The following KIF26B variants were observed in gnomAD, a reference collection of about 807,000 sequenced individuals.
KIF26B encodes the protein kinesin-like protein KIF26B.
Under a neutral mutation model 151.2 loss-of-function variants are expected in KIF26B, and 63 were observed. The ratio of observed to expected loss-of-function variants is 0.42; its 90% CI spans 0.34 to 0.51. The LOEUF (loss-of-function observed/expected upper bound fraction) is 0.51. KIF26B is among the 20% of genes least tolerant of loss of function. KIF26B has a pLI of 0.07. For synonymous variants in KIF26B, 1,357 were observed against 1,262.1 expected, an observed-to-expected ratio of 1.08 and a Z score of -1.59; for missense variants, 2,813 against 2,913.6, an observed-to-expected ratio of 0.97 and a Z score of 0.79.
chr1:245,188,505 G>A (rs1479237533), intron 2 of KIF26B, among the ~76,000 whole-genome samples: 1 of 152,058 alleles, frequency 6.6e-6, no homozygotes, highest in Non-Finnish European at 1.5e-5. Flanking sequence ...CTTTCCCTCT[G>A]TGCTTTGCAA....
chr1:245,377,270 GA>G (rs1673300222), intron 3 of KIF26B, among the ~76,000 whole-genome samples: 1 of 152,216 alleles, frequency 6.6e-6, no homozygotes, highest in African/African-American at 2.4e-5. Flanking sequence ...CTGCAAGTCT[GA>G]AATCAAGGTG....
chr1:245,575,220 A>G (rs952300588), intron 5 of KIF26B, among the ~76,000 whole-genome samples: 1 of 151,168 alleles, frequency 6.6e-6, no homozygotes, highest in Non-Finnish European at 1.5e-5. Flanking sequence ...CACGCCTGTA[A>G]TCCCAGCACT....
At chr1:245,292,679 G>A (rs12078725) in intron 2 of KIF26B, among the ~76,000 whole-genome samples, 70,828 of 152,030 alleles carry the variant, frequency 0.47, 16,885 homozygotes, top group East Asian at 0.66. Context: ...GCTGTCTCCC[G>A]GGAGCATCTT....
rs374042654 is a variant in KIF26B at position 245,702,551 on chromosome 1, G to C, written c.6272G>C (p.Cys2091Ser). ...TERLESRVNF[C>S]KAHLMMITCF... is the part of the protein sequence containing the mutation. ...CGCCTGGAGAGCCGTGTCAACTTCT[G>C]CAAGGCCCATCTCATGATGATCACC... The change falls in exon 15 of 15, where the codon TGC (cysteine) becomes TCC (serine). Residue 2091 changes from cysteine to serine, a missense_variant. This residue lies in a region of KIF26B where 2,060 missense variants were observed against 2,088.6 expected (regional missense o/e 0.99). Transcript: ENST00000407071. The surrounding 1 kb of genome is among the most constrained non-coding windows in gnomAD (Gnocchi z 4.1). The C allele has an allele frequency of 1.2e-6, 2 of 1,613,820 alleles. No individual in the cohort carries two copies. Among genetic ancestry groups the C allele is most frequent in the African/African-American group, 2.7e-5 (2 of 74,910 alleles).
Position 245,516,665 on chromosome 1 carries a change from G to A in KIF26B, c.1167-24102G>A. Reference sequence around the variant, plus strand: ...TGGGGTGAAGTAATGAGCCCGCAAGGCCTGTCTGTGCCTATTGGCTGCTCT... The same window carrying A: ...TGGGGTGAAGTAATGAGCCCGCAAGACCTGTCTGTGCCTATTGGCTGCTCT... On this transcript the variant is annotated intron_variant, in intron 4 of 14. Transcript: ENST00000407071. This position sits in a 1 kb window ranked among gnomAD's most constrained non-coding sequence, Gnocchi z 4.2. Among the ~76,000 whole-genome samples the A allele has an allele frequency of 6.6e-6, 1 of 152,138 alleles. No individual in the cohort carries two copies.
At chr1:245,663,399 T>G (rs886142270) in intron 10 of KIF26B, among the ~76,000 whole-genome samples, 2 of 152,158 alleles carry the variant, frequency 1.3e-5, no homozygotes, top group African/African-American at 2.4e-5. Flanking sequence ...CATTTTTTTT[T>G]GTTTATTTCT....
At chr1:245,162,443 T>G (rs1200208133) in intron 2 of KIF26B, among the ~76,000 whole-genome samples, 6 of 134,574 alleles carry the variant, frequency 4.5e-5, no homozygotes, top group African/African-American at 5.6e-5. Flanking sequence ...TGGAGTACAG[T>G]GGCGTGATCT....
intron 2 of KIF26B, among the ~76,000 whole-genome samples, chr1:245,284,552 G>A (rs2102969928): frequency 6.6e-6 from 1 of 152,214 alleles, no homozygotes; most frequent in Admixed American, 6.5e-5. Flanking sequence ...CATTTCTGTG[G>A]GGCAGGTTTT....
chr1:245,579,861 A>G (rs2103128714), intron 5 of KIF26B, among the ~76,000 whole-genome samples: 1 of 152,212 alleles, frequency 6.6e-6, no homozygotes, highest in South Asian at 2.1e-4. Flanking sequence ...AGAAAAAAAA[A>G]AAAAAAGAGC....
chr1:245,636,373 C>CA (rs1475391063), intron 9 of KIF26B, among the ~76,000 whole-genome samples: 1 of 150,806 alleles, frequency 6.6e-6, no homozygotes, highest in Non-Finnish European at 1.5e-5. Context: ...ACTCTAACAA[C>CA]ATTTTTCATC....
chr1:245,681,321 T>C (rs1241495082), intron 10 of KIF26B, among the ~76,000 whole-genome samples: 7 of 151,896 alleles, frequency 4.6e-5, no homozygotes, highest in African/African-American at 1.7e-4. Context: ...GCCATTCTCC[T>C]GCCTCAGCCT....
intron 2 of KIF26B, among the ~76,000 whole-genome samples, chr1:245,188,408 G>T (rs563006619): frequency 6.6e-6 from 1 of 151,772 alleles, no homozygotes; most frequent in Admixed American, 6.6e-5. Context: ...CCTCTCTCTC[G>T]AATAGCCCCT....
At chr1:245,473,172 G>C (rs1040250785) in intron 4 of KIF26B, among the ~76,000 whole-genome samples, 4 of 152,248 alleles carry the variant, frequency 2.6e-5, no homozygotes, top group African/African-American at 9.6e-5. Context: ...TGAGGGAGCA[G>C]GTGTGGATCA....
intron 2 of KIF26B, among the ~76,000 whole-genome samples, chr1:245,192,079 T>A (rs1387857626): frequency 1.3e-5 from 2 of 152,144 alleles, no homozygotes; most frequent in South Asian, 2.1e-4. Context: ...CCAGGATTAA[T>A]GCACAAAAGT....
chr1:245,412,628 C>T (rs950551646), intron 3 of KIF26B, among the ~76,000 whole-genome samples: 1 of 152,162 alleles, frequency 6.6e-6, no homozygotes, highest in Admixed American at 6.5e-5. Context: ...CGTCTTTTAT[C>T]TTGATTCTGT....
chr1:245,316,257 G>C (rs550031687), intron 2 of KIF26B, among the ~76,000 whole-genome samples: 1 of 152,110 alleles, frequency 6.6e-6, no homozygotes, highest in Admixed American at 6.5e-5. Context: ...AAGTAGATGG[G>C]ATTACAGGCA....
intron 5 of KIF26B, among the ~76,000 whole-genome samples, chr1:245,596,072 G>A (rs944611960): frequency 2.0e-5 from 3 of 151,946 alleles, no homozygotes; most frequent in African/African-American, 7.3e-5. Context: ...TGTTAGTCTG[G>A]CTAGCGGTCT....
chr1:245,635,616 ATTTCTGCTATTTTTTTTCC>A (rs1274426896), intron 9 of KIF26B, among the ~76,000 whole-genome samples: 1 of 147,484 alleles, frequency 6.8e-6, no homozygotes, highest in East Asian at 2.0e-4. Flanking sequence ...TGTTTCGTTG[ATTTCTGCTATTTTTTTTCC>A]TTTCTGCTAT....
In KIF26B at chr1:245,218,608, C is replaced by G. The variant is rs2103547687; in HGVS notation, c.465+61925C>G. Among the ~76,000 whole-genome samples, 1 of 152,234 alleles carries G rather than the reference C, an allele frequency of 6.6e-6. No individual in the cohort carries two copies. The highest frequency in any genetic ancestry group is 1.9e-4 in the East Asian group (1 of 5,186). On this transcript the variant is annotated intron_variant, in intron 2 of 14. Coordinates refer to ENST00000407071, the MANE Select transcript of KIF26B (RefSeq NM_018012.4). The surrounding 1 kb of genome is among the most constrained non-coding windows in gnomAD (Gnocchi z 4.1). ...TGCCCCATTTCTAGCCCAGGGTGAC[C>G]CCAGGAGCTCTGCAGTGTGCCGCAT... is the stretch of plus-strand genomic sequence containing the variant.
Sources: allele counts gnomAD v4.1 joint callset (sites outside exome capture counted in the v4.1 genomes callset), GRCh38; gene constraint gnomAD v4.1.1; regional missense constraint gnomAD v4.1.1; non-coding constraint Gnocchi (gnomAD v3.1); transcripts MANE v1.5; gene names NCBI Gene and HGNC (gene_info 2026-07-23, HGNC 2026-07-21).